The following LHPP variants were observed in gnomAD, a reference collection of about 807,000 sequenced individuals.
LHPP encodes the protein phospholysine phosphohistidine inorganic pyrophosphate phosphatase, also known as hLHPP.
A neutral mutation model predicts 30.3 loss-of-function variants in LHPP; 24 were observed. The ratio of observed to expected loss-of-function variants is 0.79; its 90% CI spans 0.57 to 1.11. The LOEUF (loss-of-function observed/expected upper bound fraction) is 1.11, where lower values mean the gene tolerates loss of function less well. LHPP is among the 50% of genes most tolerant of loss of function. LHPP has a pLI of 0.00. For synonymous variants in LHPP, 150 were observed against 157.1 expected (o/e 0.95, Z 0.34); for missense variants, 356 against 367.2 (o/e 0.97, Z 0.25).
chr10:124,553,049 G>C (rs1162378542), intron 6 of LHPP, among the ~76,000 whole-genome samples: 2 of 152,234 alleles, frequency 1.3e-5, no homozygotes, highest in Non-Finnish European at 2.9e-5. Context: ...CGGCCTCCTA[G>C]CGTGTCTTTA....
intron 6 of LHPP, among the ~76,000 whole-genome samples, chr10:124,549,017 A>G (rs1955417804): frequency 6.6e-6 from 1 of 152,216 alleles, no homozygotes; most frequent in African/African-American, 2.4e-5. Flanking sequence ...ACATCTATTA[A>G]CTTCTAAGTG....
chr10:124,515,249 A>G (rs1161920526), intron 5 of LHPP, among the ~76,000 whole-genome samples: 1 of 152,172 alleles, frequency 6.6e-6, no homozygotes, highest in African/African-American at 2.4e-5. Flanking sequence ...CTCCAGGTTC[A>G]TTCATCTTTT....
At chr10:124,483,920 C>G (rs1043427420) in intron 1 of LHPP, among the ~76,000 whole-genome samples, 36 of 151,604 alleles carry the variant, frequency 2.4e-4, no homozygotes, top group Non-Finnish European at 1.5e-5. Context: ...AAAGAGTTGT[C>G]GGGGCGTGGT....
chr10:124,588,052 C>T (rs1231382164), intron 6 of LHPP, among the ~76,000 whole-genome samples: 1 of 152,248 alleles, frequency 6.6e-6, no homozygotes, highest in East Asian at 1.9e-4. Context: ...CTGCCACTGC[C>T]CCTCTCCAGG....
chr10:124,485,814 T>A (rs139230041), intron 2 of LHPP, among the ~76,000 whole-genome samples: 1,550 of 152,286 alleles, frequency 0.01, 26 homozygotes, highest in African/African-American at 0.034. Flanking sequence ...TTGGCCAGGC[T>A]CGTCTTAAAC....
chr10:124,602,182 C>A (rs2362506), intron 6 of LHPP, among the ~76,000 whole-genome samples: 2 of 152,062 alleles, frequency 1.3e-5, no homozygotes, highest in Admixed American at 6.5e-5. Context: ...GATTCTTGTG[C>A]GAGGGAGACG....
chr10:124,501,482 A>C (rs1953896418), intron 5 of LHPP, among the ~76,000 whole-genome samples: 2 of 151,240 alleles, frequency 1.3e-5, no homozygotes, highest in Admixed American at 1.3e-4. Context: ...TGCACCTATA[A>C]TCCTAGCCAC....
At chr10:124,586,362 TC>T (rs1383096842) in intron 6 of LHPP, among the ~76,000 whole-genome samples, 1 of 152,166 alleles carries the variant, frequency 6.6e-6, no homozygotes, top group Non-Finnish European at 1.5e-5. Flanking sequence ...TGGGAACTGT[TC>T]CCTAGTCCTC....
At chr10:124,579,598 G>C (rs751364793) in intron 6 of LHPP, among the ~76,000 whole-genome samples, 10 of 152,168 alleles carry the variant, frequency 6.6e-5, no homozygotes, top group Non-Finnish European at 1.3e-4. Context: ...TGCAAATATG[G>C]TGCTAGGTGT....
At chr10:124,608,279 C>A (rs1215976596) in intron 6 of LHPP, among the ~76,000 whole-genome samples, 1 of 152,196 alleles carries the variant, frequency 6.6e-6, no homozygotes, top group Non-Finnish European at 1.5e-5. Flanking sequence ...CCTGTCTGCC[C>A]CCCACCAGCC....
At chr10:124,509,332 A>T (rs1389900179) in intron 5 of LHPP, among the ~76,000 whole-genome samples, 1 of 152,142 alleles carries the variant, frequency 6.6e-6, no homozygotes, top group Non-Finnish European at 1.5e-5. Context: ...ATTGATGGAG[A>T]TGAGGCTGCT....
At position 124,478,954 on chromosome 10, in the gene LHPP, A is replaced by C. The variant is rs1953041843; in HGVS notation, c.126-5185A>C. Among the ~76,000 whole-genome samples, 1 of 152,106 alleles carries C rather than the reference A, an allele frequency of 6.6e-6. No homozygotes were observed. Among genetic ancestry groups the C allele is most frequent in the African/African-American group, 2.4e-5 (1 of 41,406 alleles). On this transcript the variant is annotated intron_variant, in intron 1 of 6. Transcript: ENST00000368842. This position sits in a 1 kb window ranked among gnomAD's most constrained non-coding sequence, Gnocchi z 4.7. The stretch of plus-strand genomic sequence containing the variant: ...CATGGTGGTGGGCACCTGTAATCCC[A>C]GCTACTCGGGAGACTGAGGCAGGAG...
At chr10:124,471,471 A>ATATT (rs1377380713) in intron 1 of LHPP, among the ~76,000 whole-genome samples, 11 of 1,108 alleles carry the variant, frequency 9.9e-3, no homozygotes, top group East Asian at 0.045. Flanking sequence ...ATATTTATAT[A>ATATT]TTATATATAT....
intron 6 of LHPP, among the ~76,000 whole-genome samples, chr10:124,559,168 A>C (rs1338061989): frequency 1.3e-5 from 2 of 152,216 alleles, no homozygotes; most frequent in Non-Finnish European, 2.9e-5. Flanking sequence ...TTCTACCCCC[A>C]GGCTAGTTAA....
Position 124,550,559 on chromosome 10 carries a change from G to A in LHPP, c.716+33288G>A, listed in dbSNP as rs80248204. Among the ~76,000 whole-genome samples, 789 of 152,350 alleles carry A rather than the reference G, an allele frequency of 5.2e-3. 13 individuals are homozygous for A. Among genetic ancestry groups the A allele is most frequent in the Admixed American group, 0.032 (495 of 15,306 alleles). On this transcript the variant is annotated intron_variant, in intron 6 of 6. Transcript: ENST00000368842. ...GTGTGGCTGCAGTGGCGTGGGAGGCGGCCCCAGAGGGGCAGAGGCGCAGTG... is the reference window on the plus strand; with the variant it reads ...GTGTGGCTGCAGTGGCGTGGGAGGCAGCCCCAGAGGGGCAGAGGCGCAGTG...
rs9422987 is a variant in LHPP, at chr10:124,482,563, A to G, written c.126-1576A>G. 4.0e-3 allele frequency among the ~76,000 whole-genome samples: 605 copies of G among 152,256 alleles called. 4 individuals are homozygous for G. The highest frequency in any genetic ancestry group is 0.013 in the African/African-American group (523 of 41,558). ...CTGCCTTGTTGGGGCCGGTTTGTCC[A>G]GGAAGGGATCTTGTGATCTTGGCGA... On this transcript the variant is annotated intron_variant, in intron 1 of 6. Transcript: ENST00000368842.
intron 1 of LHPP, among the ~76,000 whole-genome samples, chr10:124,471,326 G>A (rs1157163721): frequency 1.4e-5 from 2 of 145,512 alleles, no homozygotes; most frequent in African/African-American, 5.1e-5. Flanking sequence ...CAGGAGTTTT[G>A]AATTCTTTGT....
chr10:124,526,823 G>C (rs766955783), intron 6 of LHPP, among the ~76,000 whole-genome samples: 1 of 152,188 alleles, frequency 6.6e-6, no homozygotes, highest in East Asian at 1.9e-4. Flanking sequence ...GAACCCAAGC[G>C]CTCTCTTCCC....
intron 1 of LHPP, among the ~76,000 whole-genome samples, chr10:124,470,876 G>A (rs200190448): frequency 1.7e-5 from 2 of 120,834 alleles, no homozygotes; most frequent in Non-Finnish European, 4.0e-5. Flanking sequence ...GGTGTTTGTC[G>A]AGAACGTGCT....
Sources: allele counts gnomAD v4.1 joint callset (sites outside exome capture counted in the v4.1 genomes callset), GRCh38; gene constraint gnomAD v4.1.1; non-coding constraint Gnocchi (gnomAD v3.1); transcripts MANE v1.5; gene names NCBI Gene and HGNC (gene_info 2026-07-23, HGNC 2026-07-21).